Variants in ABCB4 observed in about 807,000 individuals in gnomAD.
ABCB4 encodes the protein phosphatidylcholine translocator ABCB4.
In ABCB4, 76 loss-of-function variants were observed where a neutral mutation model predicts 145.7. The ratio of observed to expected loss-of-function variants is 0.52; its 90% CI spans 0.43 to 0.63. The LOEUF (loss-of-function observed/expected upper bound fraction) is 0.63, where lower values mean the gene tolerates loss of function less well. Ranked by LOEUF, ABCB4 falls within the 30% of genes least tolerant of loss-of-function variation. The pLI is 0.00. For missense variants in ABCB4, 1,234 were observed against 1,553.1 expected (o/e 0.79, Z 3.45); for synonymous variants, 517 against 566.8 (o/e 0.91, Z 1.25).
At chr7:87,379,193 C>T in the ABCB4 span, among the ~76,000 whole-genome samples, 1 of 152,182 alleles carries the variant, frequency 6.6e-6, no homozygotes, top group Non-Finnish European at 1.5e-5. Flanking sequence ...TTACCCTCTG[C>T]ATACATATTT....
Position 87,409,339 on chromosome 7 carries a change from A to G in ABCB4, c.2978T>C (p.Phe993Ser). The change falls in exon 24 of 28, where the codon TTT (phenylalanine) becomes TCT (serine). Residue 993 changes from phenylalanine to serine, a missense_variant. Coordinates refer to ENST00000649586, the MANE Select transcript of ABCB4 (RefSeq NM_000443.4). ...GAVALGHASS[F>S]APDYAKAKLS... ...CTTAGCTTTAGCATAGTCTGGAGCA[A>G]ATGAACTGGCATGTCCTAGAGCCAC... 6.2e-7 allele frequency: 1 copy of G among 1,614,138 alleles called. No homozygotes were observed.
At chr7:87,408,758 A>G (rs17149539) in intron 24 of ABCB4, among the ~76,000 whole-genome samples, 20,106 of 152,192 alleles carry the variant, frequency 0.13, 1,873 homozygotes, top group African/African-American at 0.27. Flanking sequence ...CTGCTTGTAT[A>G]TTACAACGTG....
the ABCB4 span, among the ~76,000 whole-genome samples, chr7:87,372,907 A>AATAGTAAATT: frequency 6.6e-6 from 1 of 152,178 alleles, no homozygotes; most frequent in Non-Finnish European, 1.5e-5. Context: ...ATAATAGACA[A>AATAGTAAATT]ATAGTAAATT....
chr7:87,454,740 A>G, intron 4 of ABCB4, 148 bp from the exon 5 acceptor site: 1 of 662,548 alleles, frequency 1.5e-6, no homozygotes, highest in East Asian at 2.8e-5. Flanking sequence ...TTTTCTTTGC[A>G]CACTTAAGTG....
chr7:87,369,384 G>A, the ABCB4 span: 16 of 1,609,488 alleles, frequency 9.9e-6, no homozygotes, highest in Non-Finnish European at 1.4e-5. Context: ...AGAGAGTGAA[G>A]GGCGTTCCCC....
chr7:87,453,077 CTT>C lies in ABCB4; in HGVS notation c.401_402del (p.Gln134ArgfsTer16). 3 of 1,614,074 alleles carry C rather than the reference CTT, an allele frequency of 1.9e-6. No individual in the cohort carries two copies. Among genetic ancestry groups the C allele is most frequent in the Non-Finnish European group, 2.5e-6 (3 of 1,180,020 alleles). ...CCAGCTGCCAAAGTCCAAAATGAAA[CTT>C]GTATATAGGCAGCAACAAGAACTCC... Reference protein sequence around the residue: ...GAGVLVAAYIQVSFWTLAAGR... With the variant: ...GAGVLVAAYIXVSFWTLAAGR... On this transcript the variant is annotated frameshift_variant, in exon 6 of 28. Coordinates refer to ENST00000649586, the MANE Select transcript of ABCB4 (RefSeq NM_000443.4). LOFTEE classifies it high-confidence loss of function.
In ABCB4 at chr7:87,439,918, A is replaced by G. The variant is rs994702605; in HGVS notation, c.1561-81T>C. 9 of 1,556,156 alleles carry G rather than the reference A, an allele frequency of 5.8e-6. No homozygotes were observed. The African/African-American group carries it at 1.1e-4, about 19-fold the overall frequency. ...GAATTCTATAGAACTACATAAAGAC[A>G]ACATGGAGCTTTGTCTTAACTATTT... is the stretch of plus-strand genomic sequence containing the variant. On this transcript the variant is annotated intron_variant, in intron 13 of 27. Transcript: ENST00000649586.
At chr7:87,388,674 T>C in the ABCB4 span, among the ~76,000 whole-genome samples, 2 of 152,148 alleles carry the variant, frequency 1.3e-5, no homozygotes, top group Non-Finnish European at 2.9e-5. Flanking sequence ...ATAAAAACTC[T>C]AGAAGAAAAC....
chr7:87,419,932 C>T, intron 19 of ABCB4, 66 bp downstream of exon 19: 2 of 1,508,672 alleles, frequency 1.3e-6, no homozygotes, highest in Middle Eastern at 1.7e-4. Context: ...ACAATAAGAA[C>T]AGTAAGAAGC....
At chr7:87,394,294 T>G in the ABCB4 span, among the ~76,000 whole-genome samples, 1 of 152,110 alleles carries the variant, frequency 6.6e-6, no homozygotes, top group African/African-American at 2.4e-5. Flanking sequence ...GTTTGTCTCT[T>G]TAGCAGATCA....
chr7:87,447,777 T>A (rs980185202), intron 8 of ABCB4, among the ~76,000 whole-genome samples: 1 of 152,220 alleles, frequency 6.6e-6, no homozygotes, highest in Non-Finnish European at 1.5e-5. Context: ...TAGATACAGG[T>A]TATAAGGTAG....
intron 21 of ABCB4, among the ~76,000 whole-genome samples, chr7:87,414,889 A>G (rs901365161): frequency 1.3e-5 from 2 of 152,224 alleles, no homozygotes; most frequent in Admixed American, 1.3e-4. Flanking sequence ...TGAAAGGGAA[A>G]TAGTATTCCT....
At chr7:87,388,122 T>G in the ABCB4 span, among the ~76,000 whole-genome samples, 1 of 152,184 alleles carries the variant, frequency 6.6e-6, no homozygotes, top group Admixed American at 6.5e-5. Flanking sequence ...GAGCCAAGAC[T>G]CCAAGGTACC....
intron 21 of ABCB4, 59 bp from the exon 22 acceptor site, chr7:87,413,776 A>G (rs2116426161): frequency 1.7e-6 from 2 of 1,175,546 alleles, no homozygotes; most frequent in Non-Finnish European, 2.6e-6. Context: ...AATAATGAAA[A>G]ATAAGCCCTA....
chr7:87,472,553 T>C, intron 3 of ABCB4, 68 bp downstream of exon 3: 1 of 1,326,286 alleles, frequency 7.5e-7, no homozygotes, highest in South Asian at 1.2e-5. Flanking sequence ...GCTTTAAAGG[T>C]AATTGATTCA....
chr7:87,475,925 G>T (rs1009931515), upstream of ABCB4, among the ~76,000 whole-genome samples: 10 of 152,150 alleles, frequency 6.6e-5, no homozygotes, highest in Admixed American at 2.6e-4. Context: ...CGACCCGCCA[G>T]AACCAGCCCG....
chr7:87,467,951 G>A (rs1813049316), intron 3 of ABCB4, among the ~76,000 whole-genome samples: 1 of 152,126 alleles, frequency 6.6e-6, no homozygotes, highest in Admixed American at 6.5e-5. Flanking sequence ...CAGGAAAGGT[G>A]TAAAATTGAC....
At chr7:87,370,019 G>A in the ABCB4 span, among the ~76,000 whole-genome samples, 2 of 151,904 alleles carry the variant, frequency 1.3e-5, no homozygotes, top group Admixed American at 1.3e-4. Flanking sequence ...AGTCAATGCT[G>A]TTTCAACTAT....
rs970572052 is a variant in ABCB4, at chr7:87,401,811, A to G, written c.*285T>C. On this transcript the variant is annotated 3_prime_UTR_variant, in exon 28 of 28. Transcript: ENST00000649586. ...CCATTTCCCTATGTCTGTGGCTTCT[A>G]TATTTCTACACCTGTACTTACCTTG... 6 of 520,198 alleles carry G rather than the reference A, an allele frequency of 1.2e-5. No homozygotes were observed. Among genetic ancestry groups the G allele is most frequent in the Non-Finnish European group, 1.8e-5 (5 of 281,252 alleles). The allele number at this position is 520,198 out of a possible 1,614,324, so 32.2% of individuals were successfully genotyped here. A position where few individuals can be genotyped will look rare whatever the true frequency, so the allele number is the denominator to read the frequency against.
Sources: gnomAD v4.1 joint callset for allele counts (sites outside exome capture counted in the v4.1 genomes callset) on GRCh38, gnomAD v4.1.1 for gene constraint, MANE v1.5 for transcripts, NCBI Gene and HGNC (gene_info 2026-07-23, HGNC 2026-07-21) for gene names.